ROBO2: variants seen among roughly 807,000 people sequenced by gnomAD.
ROBO2 encodes roundabout homolog 2.
Under a neutral mutation model 160.8 loss-of-function variants are expected in ROBO2, and 53 were observed. That is an observed-to-expected ratio of 0.33 (90% CI 0.26 to 0.41). The LOEUF (loss-of-function observed/expected upper bound fraction) is 0.41. Ranked by LOEUF, ROBO2 falls within the 10% of genes least tolerant of loss-of-function variation. ROBO2 has a pLI of 1.00. For synonymous variants in ROBO2, 664 were observed against 611.7 expected, an observed-to-expected ratio of 1.09 and a Z score of -1.26; for missense variants, 1,577 against 1,722.4, an observed-to-expected ratio of 0.92 and a Z score of 1.49.
intron 2 of ROBO2, among the ~76,000 whole-genome samples, chr3:76,551,747 G>A (rs1329699839): frequency 6.6e-6 from 1 of 152,148 alleles, no homozygotes; most frequent in Non-Finnish European, 1.5e-5. Context: ...CACAGTGGAA[G>A]CTGCCTGTGG....
chr3:77,332,976 G>C (rs1021247558), intron 2 of ROBO2, among the ~76,000 whole-genome samples: 4 of 152,184 alleles, frequency 2.6e-5, no homozygotes, highest in Non-Finnish European at 4.4e-5. Flanking sequence ...AAATGTGTCT[G>C]TGATGATTTG....
At chr3:76,671,118 A>G (rs972046056) in intron 2 of ROBO2, among the ~76,000 whole-genome samples, 1 of 152,136 alleles carries the variant, frequency 6.6e-6, no homozygotes, top group African/African-American at 2.4e-5. Context: ...ACTAACTGAC[A>G]TGTCTTCTCT....
chr3:76,813,577 C>T (rs1270689770), intron 2 of ROBO2, among the ~76,000 whole-genome samples: 1 of 152,226 alleles, frequency 6.6e-6, no homozygotes, highest in South Asian at 2.1e-4. Flanking sequence ...TACGAAGTAA[C>T]TATTCCCAAA....
intron 2 of ROBO2, among the ~76,000 whole-genome samples, chr3:76,353,021 A>G (rs781580219): frequency 6.6e-6 from 1 of 151,998 alleles, no homozygotes. Flanking sequence ...CCCAAAATAC[A>G]ATTCTAACTT....
intron 2 of ROBO2, among the ~76,000 whole-genome samples, chr3:76,109,658 T>A (rs1481133616): frequency 6.6e-6 from 1 of 152,092 alleles, no homozygotes; most frequent in East Asian, 1.9e-4. Context: ...AGTAACTTAT[T>A]TTTTCAGAAA....
At chr3:76,444,511 A>G (rs2077075679) in intron 2 of ROBO2, among the ~76,000 whole-genome samples, 1 of 152,142 alleles carries the variant, frequency 6.6e-6, no homozygotes, top group Non-Finnish European at 1.5e-5. Flanking sequence ...GAAACCTACA[A>G]TCATGGCAGA....
chr3:76,698,280 C>T (rs1041895656), intron 2 of ROBO2, among the ~76,000 whole-genome samples: 27 of 152,170 alleles, frequency 1.8e-4, no homozygotes, highest in African/African-American at 6.5e-4. Flanking sequence ...TGACCATTGA[C>T]ACGGTGTTTT....
rs1057163709 is a variant in ROBO2 at position 77,313,171 on chromosome 3, T to C, written c.389-164243T>C. On this transcript the variant is annotated intron_variant, in intron 2 of 25. Coordinates refer to ENST00000461745, the Ensembl canonical transcript of ROBO2. ...CAAGTACCAATTTCTATTTTATCAC[T>C]CAGGATGGGTTAGAGATTCTGTGTT... Among the ~76,000 whole-genome samples the C allele has an allele frequency of 3.5e-4, 54 of 152,196 alleles. 1 individual carries two copies. Among genetic ancestry groups the C allele is most frequent in the African/African-American group, 1.1e-3 (45 of 41,468 alleles).
At chr3:76,906,983 T>G (rs573653620) in intron 2 of ROBO2, among the ~76,000 whole-genome samples, 17 of 152,280 alleles carry the variant, frequency 1.1e-4, no homozygotes, top group Middle Eastern at 3.4e-3. Context: ...AGCCAACAGG[T>G]TTTCTTCCTC....
chr3:77,633,341 AT>A (rs2095205787), intron 23 of ROBO2: 1 of 152,138 alleles, frequency 6.6e-6, no homozygotes, highest in Admixed American at 6.5e-5. Flanking sequence ...CAATTATATA[AT>A]TTTTCAAGTG....
At chr3:77,534,097 C>G (rs2091934589) in intron 6 of ROBO2, among the ~76,000 whole-genome samples, 1 of 152,070 alleles carries the variant, frequency 6.6e-6, no homozygotes, top group African/African-American at 2.4e-5. Flanking sequence ...ATGTTGGTGT[C>G]CAGTGTGCAT....
intron 2 of ROBO2, among the ~76,000 whole-genome samples, chr3:77,306,637 G>T (rs2153417778): frequency 6.6e-6 from 1 of 152,126 alleles, no homozygotes; most frequent in South Asian, 2.1e-4. Flanking sequence ...TAAAATCATG[G>T]TCTAAAAAGA....
intron 2 of ROBO2, among the ~76,000 whole-genome samples, chr3:76,294,337 C>T (rs892587463): frequency 1.3e-5 from 2 of 152,242 alleles, no homozygotes; most frequent in South Asian, 2.1e-4. Flanking sequence ...ATTCTCAGCT[C>T]CGGCTCAGTG....
chr3:76,352,322 G>C (rs920091536), intron 2 of ROBO2, among the ~76,000 whole-genome samples: 1 of 151,952 alleles, frequency 6.6e-6, no homozygotes, highest in Non-Finnish European at 1.5e-5. Context: ...AGGCAAGTCA[G>C]GCACATCCCC....
intron 2 of ROBO2, among the ~76,000 whole-genome samples, chr3:76,882,735 C>G (rs757429261): frequency 2.0e-5 from 3 of 152,036 alleles, no homozygotes; most frequent in Non-Finnish European, 2.9e-5. Flanking sequence ...CTTACTGTAT[C>G]TGTTCATTGT....
chr3:77,591,149 T>C (rs951414509), intron 17 of ROBO2, among the ~76,000 whole-genome samples: 4 of 152,288 alleles, frequency 2.6e-5, no homozygotes, highest in East Asian at 3.9e-4. Flanking sequence ...CAGTGAAATA[T>C]ACATTATTAG....
rs71104611 is a variant in ROBO2 at position 76,642,341 on chromosome 3, C to CTTTTTT, written c.110-455649_110-455644dup. Among the ~76,000 whole-genome samples the CTTTTTT allele has an allele frequency of 5.0e-3, 314 of 62,220 alleles. 40 individuals carry two copies. The highest frequency in any genetic ancestry group is 0.017 in the African/African-American group (239 of 13,910). 40.8% of individuals were successfully genotyped at this position (62,220 alleles called of 152,430 possible). A position where few individuals can be genotyped will look rare whatever the true frequency, so the allele number is the denominator to read the frequency against. ...GCTAATTCAGAAATATTTACACTTG[C>CTTTTTT]TTTTTTTTTTTTTTTTTTTTTTTTT... On this transcript the variant is annotated intron_variant, in intron 2 of 26. Coordinates refer to the ROBO2 transcript ENST00000487694.
At chr3:76,794,548 C>T (rs2063566479) in intron 2 of ROBO2, among the ~76,000 whole-genome samples, 2 of 152,006 alleles carry the variant, frequency 1.3e-5, no homozygotes, top group South Asian at 4.1e-4. Flanking sequence ...AAATGGTTTT[C>T]TCTGTCTGAA....
At chr3:77,588,784 A>G (rs760620503) in exon 17 of ROBO2, 15 of 1,613,414 alleles carry the variant, frequency 9.3e-6, no homozygotes, top group African/African-American at 2.7e-5. Context: ...ACTGAAAACA[A>G]TAACAGCATA....
Sources: gnomAD v4.1 joint callset for allele counts (sites outside exome capture counted in the v4.1 genomes callset) on GRCh38, gnomAD v4.1.1 for gene constraint, MANE v1.5 for transcripts, NCBI Gene and HGNC (gene_info 2026-07-23, HGNC 2026-07-21) for gene names.